The following MASTL variants were observed in gnomAD, a reference collection of about 807,000 sequenced individuals.
The protein encoded by MASTL is serine/threonine-protein kinase greatwall.
A neutral mutation model predicts 82.5 loss-of-function variants in MASTL; 54 were observed. That is an observed-to-expected ratio of 0.65 (90% CI 0.53 to 0.82). The LOEUF is 0.82. Ranked by LOEUF, MASTL falls within the 40% of genes least tolerant of loss-of-function variation. The pLI, the probability that MASTL is intolerant of heterozygous loss-of-function variation, is 0.00. For synonymous variants in MASTL, 323 were observed against 368.9 expected (o/e 0.88, Z 1.43); for missense variants, 950 against 1,047.8 (o/e 0.91, Z 1.29).
chr10:27,161,225 AGGCCAGGCGTGGT>A (rs766513801), intron 4 of MASTL, 43 bp downstream of exon 4: 1 of 1,181,414 alleles, frequency 8.5e-7, no homozygotes, highest in African/African-American at 1.5e-5. Context: ...AACATCCAAC[AGGCCAGGCGTGGT>A]GGCTCACACC....
intron 7 of MASTL, among the ~76,000 whole-genome samples, chr10:27,168,677 C>T (rs771532521): frequency 2.0e-5 from 3 of 151,942 alleles, no homozygotes; most frequent in African/African-American, 4.8e-5. Flanking sequence ...ATTAACTGGG[C>T]GTGGTGGTGG....
chr10:27,169,457 C>A (rs1447398829), intron 7 of MASTL, among the ~76,000 whole-genome samples: 2 of 151,772 alleles, frequency 1.3e-5, no homozygotes, highest in Non-Finnish European at 2.9e-5. Flanking sequence ...GTAATCCCAG[C>A]TACTTGGGAG....
chr10:27,162,544 C>A (rs12249954), intron 4 of MASTL, among the ~76,000 whole-genome samples: 2,919 of 152,162 alleles, frequency 0.019, 86 homozygotes, highest in African/African-American at 0.066. Context: ...TGGCACACGC[C>A]TGTAGTCCCA....
chr10:27,184,657 T>A (rs997281720), intron 11 of MASTL, among the ~76,000 whole-genome samples: 3 of 132,210 alleles, frequency 2.3e-5, no homozygotes, highest in Non-Finnish European at 4.6e-5. Flanking sequence ...GCCTCCCAGG[T>A]TCAAGTGACT....
At chr10:27,166,155 T>G (rs945175017) in intron 6 of MASTL, among the ~76,000 whole-genome samples, 12 of 152,108 alleles carry the variant, frequency 7.9e-5, no homozygotes, top group Non-Finnish European at 1.5e-4. Flanking sequence ...TGCAGTGAGC[T>G]GAGATCATAC....
intron 11 of MASTL, among the ~76,000 whole-genome samples, chr10:27,182,274 A>G (rs922189680): frequency 6.0e-5 from 9 of 151,098 alleles, no homozygotes; most frequent in African/African-American, 2.2e-4. Flanking sequence ...AAGTTCCAAT[A>G]TAATACTACA....
intron 3 of MASTL, among the ~76,000 whole-genome samples, chr10:27,160,133 G>C (rs10764678): frequency 0.68 from 98,335 of 144,194 alleles, 33,556 homozygotes; most frequent in Non-Finnish European, 0.71. Flanking sequence ...GTGTCTGGGA[G>C]TAGAGGTGTG....
chr10:27,161,477 C>A (rs1423032152), intron 4 of MASTL, among the ~76,000 whole-genome samples: 4 of 151,244 alleles, frequency 2.6e-5, no homozygotes, highest in African/African-American at 9.7e-5. Flanking sequence ...CCATTGCACT[C>A]CAGACTGGGA....
intron 9 of MASTL, among the ~76,000 whole-genome samples, chr10:27,180,435 A>G (rs1392061386): frequency 1.3e-5 from 2 of 151,986 alleles, no homozygotes; most frequent in African/African-American, 4.8e-5. Flanking sequence ...TCTGTCGCCC[A>G]GGCTGGAGTG....
chr10:27,178,721 G>T (rs1478355133), intron 9 of MASTL, among the ~76,000 whole-genome samples: 1 of 151,570 alleles, frequency 6.6e-6, no homozygotes, highest in Non-Finnish European at 1.5e-5. Flanking sequence ...CTGGTAAAAG[G>T]GGCCTAATTT....
chr10:27,186,051 T>G (rs1197917130), intron 11 of MASTL, among the ~76,000 whole-genome samples: 3 of 152,166 alleles, frequency 2.0e-5, no homozygotes, highest in Admixed American at 2.0e-4. Flanking sequence ...ATCGCGCCAC[T>G]GCACTTCAGC....
chr10:27,183,564 T>A (rs1311602907), intron 11 of MASTL, among the ~76,000 whole-genome samples: 1 of 152,106 alleles, frequency 6.6e-6, no homozygotes, highest in Admixed American at 6.6e-5. Flanking sequence ...ATTTTAAAAT[T>A]CCTTTTGTAA....
At position 27,187,598 on chromosome 10, in the gene MASTL, A is replaced by G. The variant is rs1278044893; in HGVS notation, c.*1062A>G. Among the ~76,000 whole-genome samples, 1 of 151,838 alleles carries G rather than the reference A, an allele frequency of 6.6e-6. No homozygotes were observed. The highest frequency in any genetic ancestry group is 6.6e-5 in the Admixed American group (1 of 15,230). On this transcript the variant is annotated 3_prime_UTR_variant, in exon 12 of 12. Coordinates refer to ENST00000375940, the MANE Select transcript of MASTL (RefSeq NM_001172303.3). ...AAAACCTGGTCTCTACTAAAAATAG[A>G]AAAATTAGCCAGGTATGGTGACGCA...
chr10:27,165,598 A>T, intron 6 of MASTL, 59 bp downstream of exon 6: 7 of 1,547,760 alleles, frequency 4.5e-6, no homozygotes, highest in Non-Finnish European at 6.2e-6. Context: ...ATACTACCAC[A>T]TTGGGAGGCT....
At position 27,155,690 on chromosome 10, in the gene MASTL, C is replaced by T. The variant is rs1223253453; in HGVS notation, c.186+78C>T. The T allele has an allele frequency of 3.9e-6, 6 of 1,541,452 alleles. No homozygotes were observed. In the African/African-American group the frequency reaches 5.5e-5, roughly 14 times the overall value. ...CTGCCCCACCGGCTTGGGCAGGCCCCGGGGTTGCTGGAGCGAGGAGTCTGG... is the reference window on the plus strand; with the variant it reads ...CTGCCCCACCGGCTTGGGCAGGCCCTGGGGTTGCTGGAGCGAGGAGTCTGG... On this transcript the variant is annotated intron_variant, in intron 1 of 11. Coordinates refer to ENST00000375940, the MANE Select transcript of MASTL (RefSeq NM_001172303.3).
Position 27,169,985 on chromosome 10 carries a change from T to G in MASTL, c.1026T>G (p.Asn342Lys). Reference sequence around the variant, plus strand: ...TGGGCCCAACAATGATGAGTTGGAATGCAGTTGAAAAGTTATGCGCAAAAT... The same window carrying G: ...TGGGCCCAACAATGATGAGTTGGAAGGCAGTTGAAAAGTTATGCGCAAAAT... ...EALGPTMMSW[N>K]AVEKLCAKSA... The change falls in exon 8 of 12, where the codon AAT becomes AAG. Residue 342 changes from asparagine (N) to lysine (K), a missense_variant. Coordinates refer to ENST00000375940, the MANE Select transcript of MASTL (RefSeq NM_001172303.3). 6.2e-7 allele frequency: 1 copy of G among 1,614,188 alleles called. No homozygotes were observed. Among genetic ancestry groups the G allele is most frequent in the South Asian group, 1.1e-5 (1 of 91,082 alleles).
In MASTL at chr10:27,159,533, A is replaced by G. The variant is rs2057501400; in HGVS notation, c.325-86A>G. The stretch of plus-strand genomic sequence containing the variant: ...GTCGTTTCATTACAGAGCCATGCCA[A>G]ATATTGTAACTGTAATGCCCAAATA... On this transcript the variant is annotated intron_variant, in intron 2 of 11. Coordinates refer to ENST00000375940, the MANE Select transcript of MASTL (RefSeq NM_001172303.3). This position sits in a 1 kb window ranked among gnomAD's most constrained non-coding sequence, Gnocchi z 4.0. 3.6e-5 allele frequency: 34 copies of G among 951,514 alleles called. No homozygotes were observed. In the South Asian group the frequency reaches 4.8e-4, roughly 13 times the overall value. 58.9% of individuals were successfully genotyped at this position (951,514 alleles called of 1,614,324 possible).
At chr10:27,177,885 C>T (rs2058150631) in intron 9 of MASTL, 1 of 500,880 alleles carries the variant, frequency 2.0e-6, no homozygotes, top group African/African-American at 2.1e-5. Flanking sequence ...ATAACTAGAT[C>T]ACATTGCATA....
chr10:27,181,749 T>A (rs1485582376), intron 11 of MASTL, among the ~76,000 whole-genome samples, 168 bp downstream of exon 11: 1 of 152,030 alleles, frequency 6.6e-6, no homozygotes, highest in African/African-American at 2.4e-5. Flanking sequence ...GACCAGCCTG[T>A]CCGATATGGC....
Sources: gnomAD v4.1 joint callset for allele counts (sites outside exome capture counted in the v4.1 genomes callset) on GRCh38, gnomAD v4.1.1 for gene constraint, Gnocchi (gnomAD v3.1) non-coding constraint, MANE v1.5 for transcripts, NCBI Gene and HGNC (gene_info 2026-07-23, HGNC 2026-07-21) for gene names.